SRBD1: variants seen among roughly 807,000 people sequenced by gnomAD.
SRBD1 encodes the protein S1 RNA binding domain 1, also known as S1 RNA-binding domain-containing protein 1.
A neutral mutation model predicts 115.3 loss-of-function variants in SRBD1; 88 were observed. The ratio of observed to expected loss-of-function variants is 0.76; its 90% confidence interval spans 0.64 to 0.91. The LOEUF (loss-of-function observed/expected upper bound fraction) is 0.91, where lower values mean the gene tolerates loss of function less well. Among genes scored for constraint, SRBD1 ranks in the 40% least tolerant of loss-of-function variants. The pLI, the probability that SRBD1 is intolerant of heterozygous loss-of-function variation, is 0.00. For synonymous variants in SRBD1, 509 were observed against 407.7 expected (o/e 1.25, Z -2.99); for missense variants, 1,385 against 1,177.4 (o/e 1.18, Z -2.58).
At chr2:45,587,882 T>C (rs1413015046) in intron 4 of SRBD1, among the ~76,000 whole-genome samples, 1 of 152,206 alleles carries the variant, frequency 6.6e-6, no homozygotes, top group Non-Finnish European at 1.5e-5. Flanking sequence ...AGTTATCTTC[T>C]TCTCAAACTT....
intron 9 of SRBD1, among the ~76,000 whole-genome samples, chr2:45,571,172 G>A (rs1672994902): frequency 1.3e-5 from 2 of 152,184 alleles, no homozygotes; most frequent in South Asian, 2.1e-4. Flanking sequence ...AGCTGTTAAT[G>A]GCCTCACTAA....
At chr2:45,543,594 T>A in intron 14 of SRBD1, among the ~76,000 whole-genome samples, 1 of 152,320 alleles carries the variant, frequency 6.6e-6, no homozygotes, top group East Asian at 1.9e-4. Flanking sequence ...TCAATTTCAG[T>A]GTAACTTCAA....
chr2:45,605,644 C>T (rs1674244798), intron 1 of SRBD1, among the ~76,000 whole-genome samples: 1 of 152,210 alleles, frequency 6.6e-6, no homozygotes, highest in African/African-American at 2.4e-5. Context: ...TGGCTCATGC[C>T]TGTAATCCCA....
chr2:45,561,258 G>A (rs1672656553), intron 10 of SRBD1, among the ~76,000 whole-genome samples: 1 of 152,222 alleles, frequency 6.6e-6, no homozygotes, highest in South Asian at 2.1e-4. Flanking sequence ...TTCAACTTCA[G>A]CTCTATTTCC....
intron 18 of SRBD1, among the ~76,000 whole-genome samples, chr2:45,414,843 C>CA (rs1410415104): frequency 8.2e-6 from 1 of 122,650 alleles, no homozygotes; most frequent in East Asian, 2.8e-4. Context: ...TGTACACACA[C>CA]ATATAGTGTG....
intron 14 of SRBD1, among the ~76,000 whole-genome samples, chr2:45,496,709 C>T (rs960243178): frequency 1.3e-5 from 2 of 152,124 alleles, no homozygotes; most frequent in African/African-American, 4.8e-5. Context: ...CCTTCTCTTA[C>T]ATTTGTTTAT....
intron 7 of SRBD1, among the ~76,000 whole-genome samples, chr2:45,577,711 T>A (rs530801401): frequency 6.6e-6 from 1 of 152,060 alleles, no homozygotes; most frequent in Non-Finnish European, 1.5e-5. Flanking sequence ...TCAGGAATGA[T>A]AGGAATTATG....
intron 4 of SRBD1, among the ~76,000 whole-genome samples, chr2:45,586,702 C>T (rs1023163304): frequency 2.0e-5 from 3 of 151,232 alleles, no homozygotes; most frequent in Non-Finnish European, 4.4e-5. Context: ...CGCCATCACA[C>T]CTGGCTAATT....
At chr2:45,435,739 G>C (rs1668476625) in intron 16 of SRBD1, among the ~76,000 whole-genome samples, 1 of 152,058 alleles carries the variant, frequency 6.6e-6, no homozygotes, top group Non-Finnish European at 1.5e-5. Context: ...AGCTATTCTA[G>C]TCCTGGAGAA....
At chr2:45,404,666 T>C (rs1193543822) in intron 19 of SRBD1, among the ~76,000 whole-genome samples, 1 of 152,154 alleles carries the variant, frequency 6.6e-6, no homozygotes, top group Non-Finnish European at 1.5e-5. Flanking sequence ...GCAATTAGTT[T>C]AACTGGTCTC....
At chr2:45,443,531 A>G (rs971719061) in intron 16 of SRBD1, among the ~76,000 whole-genome samples, 1 of 152,094 alleles carries the variant, frequency 6.6e-6, no homozygotes, top group Non-Finnish European at 1.5e-5. Context: ...TTAGACTTCC[A>G]AATTGAAAGG....
chr2:45,520,437 G>C (rs1487563166), intron 14 of SRBD1, among the ~76,000 whole-genome samples: 3 of 152,196 alleles, frequency 2.0e-5, no homozygotes, highest in Non-Finnish European at 4.4e-5. Context: ...CAAGATCCCT[G>C]AATTTGCTAC....
intron 10 of SRBD1, among the ~76,000 whole-genome samples, chr2:45,560,272 T>TC (rs2104094946): frequency 1.3e-5 from 2 of 152,320 alleles, no homozygotes; most frequent in South Asian, 4.1e-4. Context: ...TTCCTTGACA[T>TC]TTACTTAGTC....
In SRBD1 at chr2:45,412,556, G is replaced by GT. The variant is rs530819327; in HGVS notation, c.2513+557dup. Among the ~76,000 whole-genome samples, 408 of 152,202 alleles carry GT rather than the reference G, an allele frequency of 2.7e-3. 2 individuals are homozygous for GT. The highest frequency in any genetic ancestry group is 9.1e-3 in the African/African-American group (380 of 41,558). ...AAATGTCGTTATGTAGCAAGTCACTGTTTTTGAACTAATTAAAAAAATTTA... is the reference window on the plus strand; with the variant it reads ...AAATGTCGTTATGTAGCAAGTCACTGTTTTTTGAACTAATTAAAAAAATTTA... On this transcript the variant is annotated intron_variant, in intron 19 of 20. Transcript: ENST00000263736.
chr2:45,561,439 A>G (rs1226703664), intron 10 of SRBD1, among the ~76,000 whole-genome samples: 1 of 152,258 alleles, frequency 6.6e-6, no homozygotes, highest in African/African-American at 2.4e-5. Flanking sequence ...TGAATTAACA[A>G]AACAGTTGTG....
At chr2:45,402,872 C>G (rs1472522800) in intron 19 of SRBD1, among the ~76,000 whole-genome samples, 2 of 152,126 alleles carry the variant, frequency 1.3e-5, no homozygotes, top group Non-Finnish European at 2.9e-5. Context: ...AAATCGGATA[C>G]CTGCCTTAGC....
chr2:45,535,664 A>G (rs1484570301), intron 14 of SRBD1, among the ~76,000 whole-genome samples: 6 of 152,110 alleles, frequency 3.9e-5, no homozygotes, highest in African/African-American at 1.2e-4. Context: ...AGATCTCTTA[A>G]TATCTTATTT....
intron 16 of SRBD1, among the ~76,000 whole-genome samples, chr2:45,435,349 G>A (rs531587919): frequency 2.0e-5 from 3 of 152,062 alleles, no homozygotes; most frequent in East Asian, 1.9e-4. Flanking sequence ...GGCACCAGGA[G>A]GTAACCCAAG....
chr2:45,555,851 A>G (rs1393886351), intron 10 of SRBD1, among the ~76,000 whole-genome samples: 1 of 152,126 alleles, frequency 6.6e-6, no homozygotes, highest in African/African-American at 2.4e-5. Flanking sequence ...CTGTTACGGC[A>G]CAGTGGGCAT....
Sources: gnomAD v4.1 joint callset for allele counts (sites outside exome capture counted in the v4.1 genomes callset) on GRCh38, gnomAD v4.1.1 for gene constraint, MANE v1.5 for transcripts, NCBI Gene and HGNC (gene_info 2026-07-23, HGNC 2026-07-21) for gene names.